Variants in SORCS3 observed in about 807,000 individuals in gnomAD.
The protein encoded by SORCS3 is sortilin related VPS10 domain containing receptor 3, also known as VPS10 domain-containing receptor SorCS3.
A neutral mutation model predicts 146.3 loss-of-function variants in SORCS3; 57 were observed. The ratio of observed to expected loss-of-function variants is 0.39; its 90% CI spans 0.31 to 0.49. SORCS3 has a LOEUF of 0.49. SORCS3 is among the 20% of genes least tolerant of loss of function. The probability of loss-of-function intolerance (pLI) is 0.92; values close to 1 mark genes in which losing one functional copy is unlikely to be tolerated. For missense variants in SORCS3, 1,341 were observed against 1,575.5 expected, an observed-to-expected ratio of 0.85 and a Z score of 2.52; for synonymous variants, 653 against 618.5, an observed-to-expected ratio of 1.06 and a Z score of -0.83.
chr10:105,106,778 A>G (rs569917169), intron 7 of SORCS3, among the ~76,000 whole-genome samples: 21 of 152,326 alleles, frequency 1.4e-4, no homozygotes, highest in African/African-American at 5.1e-4. Context: ...CCTGTTTTTT[A>G]GCTTGACTGA....
intron 5 of SORCS3, among the ~76,000 whole-genome samples, chr10:105,089,375 G>C (rs1023852113): frequency 7.9e-5 from 12 of 152,204 alleles, no homozygotes; most frequent in African/African-American, 2.9e-4. Flanking sequence ...GAGGGCAGAG[G>C]AGGAGGAAGT....
intron 1 of SORCS3, among the ~76,000 whole-genome samples, chr10:104,680,424 T>C (rs1343545620): frequency 6.6e-6 from 1 of 152,218 alleles, no homozygotes; most frequent in African/African-American, 2.4e-5. Context: ...GTCTCATCTC[T>C]AGGCGTGTGC....
At chr10:105,177,913 T>C (rs2056417915) in intron 13 of SORCS3, among the ~76,000 whole-genome samples, 153 bp from the exon 14 acceptor site, 2 of 152,154 alleles carry the variant, frequency 1.3e-5, no homozygotes, top group Non-Finnish European at 2.9e-5. Context: ...AATCTCATAA[T>C]AATATGGGGA....
intron 1 of SORCS3, among the ~76,000 whole-genome samples, chr10:104,707,967 G>A (rs1359788486): frequency 6.6e-6 from 1 of 152,168 alleles, no homozygotes; most frequent in Non-Finnish European, 1.5e-5. Context: ...AGATGAATGA[G>A]TTTCCATTGT....
chr10:104,836,814 C>T (rs867142827), intron 1 of SORCS3, among the ~76,000 whole-genome samples: 4 of 152,076 alleles, frequency 2.6e-5, no homozygotes, highest in Non-Finnish European at 2.9e-5. Context: ...TGCTCCATCT[C>T]CATGCTGCTT....
At chr10:105,116,680 TAC>T (rs1261309188) in intron 7 of SORCS3, among the ~76,000 whole-genome samples, 1 of 152,062 alleles carries the variant, frequency 6.6e-6, no homozygotes, top group Non-Finnish European at 1.5e-5. Context: ...ATGGCACATA[TAC>T]ACAGTGGAAT....
intron 22 of SORCS3, among the ~76,000 whole-genome samples, chr10:105,248,274 A>C (rs373985116): frequency 1.3e-5 from 2 of 152,210 alleles, no homozygotes; most frequent in Non-Finnish European, 2.9e-5. Flanking sequence ...AGAGAACAGT[A>C]TGATTCACGC....
At chr10:105,019,185 A>G (rs1482361235) in intron 4 of SORCS3, among the ~76,000 whole-genome samples, 1 of 152,174 alleles carries the variant, frequency 6.6e-6, no homozygotes. Flanking sequence ...ACAAAACTAC[A>G]TATCTGACCC....
chr10:104,688,301 C>G (rs1250396907), intron 1 of SORCS3, among the ~76,000 whole-genome samples: 1 of 152,186 alleles, frequency 6.6e-6, no homozygotes, highest in South Asian at 2.1e-4. Context: ...GCTGAAAGCT[C>G]TGAAGGAGGG....
intron 1 of SORCS3, among the ~76,000 whole-genome samples, chr10:104,841,775 A>C (rs1242453576): frequency 6.6e-6 from 1 of 152,160 alleles, no homozygotes; most frequent in Non-Finnish European, 1.5e-5. Flanking sequence ...GAACTGGAGG[A>C]AGTTAAATTG....
intron 1 of SORCS3, among the ~76,000 whole-genome samples, chr10:104,652,297 T>C (rs2015572715): frequency 6.6e-6 from 1 of 152,194 alleles, no homozygotes; most frequent in African/African-American, 2.4e-5. Context: ...TTCAGTTTCG[T>C]CACCTATAAA....
At chr10:104,951,948 C>A (rs1386775791) in intron 3 of SORCS3, among the ~76,000 whole-genome samples, 1 of 151,786 alleles carries the variant, frequency 6.6e-6, no homozygotes, top group South Asian at 2.1e-4. Context: ...ACCAGTGAAC[C>A]CACCAATAGA....
intron 3 of SORCS3, among the ~76,000 whole-genome samples, chr10:104,962,907 T>C (rs950778923): frequency 6.6e-6 from 1 of 152,226 alleles, no homozygotes; most frequent in Non-Finnish European, 1.5e-5. Flanking sequence ...ATATAAGCAA[T>C]GTTTAACAAA....
intron 15 of SORCS3, 134 bp downstream of exon 15, chr10:105,200,250 G>A (rs1433074591): frequency 8.7e-6 from 6 of 685,874 alleles, no homozygotes; most frequent in Non-Finnish European, 1.5e-5. Context: ...TGTGGATTTG[G>A]AGAAAAGGGT....
At chr10:105,125,482 C>T (rs150236245) in intron 7 of SORCS3, among the ~76,000 whole-genome samples, 7 of 152,190 alleles carry the variant, frequency 4.6e-5, no homozygotes, top group African/African-American at 1.4e-4. Flanking sequence ...TTTGATGTAA[C>T]CATTTTGGCA....
chr10:105,128,966 G>C (rs1028928817), intron 7 of SORCS3, among the ~76,000 whole-genome samples: 2 of 152,086 alleles, frequency 1.3e-5, no homozygotes, highest in African/African-American at 4.8e-5. Context: ...CAAGAGATGG[G>C]TTACAATGCC....
intron 3 of SORCS3, among the ~76,000 whole-genome samples, chr10:104,969,303 T>TGGTG (rs374859063): frequency 2.8e-5 from 4 of 140,558 alleles, no homozygotes; most frequent in African/African-American, 8.0e-5. Flanking sequence ...TCAAAAAGGA[T>TGGTG]TGTGTGTGTG....
At chr10:105,104,811 C>G (rs1200687198) in intron 6 of SORCS3, among the ~76,000 whole-genome samples, 2 of 152,144 alleles carry the variant, frequency 1.3e-5, no homozygotes, top group African/African-American at 4.8e-5. Flanking sequence ...CAGAACAGTG[C>G]GTTTTGGAGA....
intron 5 of SORCS3, among the ~76,000 whole-genome samples, chr10:105,046,450 T>G (rs978466168): frequency 4.6e-5 from 7 of 152,102 alleles, no homozygotes; most frequent in Non-Finnish European, 7.4e-5. Flanking sequence ...AGAAGGACAC[T>G]GTGCTCCAGA....
Sources: allele counts gnomAD v4.1 joint callset (sites outside exome capture counted in the v4.1 genomes callset), GRCh38; gene constraint gnomAD v4.1.1; transcripts MANE v1.5; gene names NCBI Gene and HGNC (gene_info 2026-07-23, HGNC 2026-07-21).